The following SPOCK1 variants were observed in gnomAD, a reference collection of about 807,000 sequenced individuals.
The protein encoded by SPOCK1 is SPARC (osteonectin), cwcv and kazal like domains proteoglycan 1.
SPOCK1 carries 23 observed loss-of-function variants against 55.3 expected under a neutral mutation model. The ratio of observed to expected loss-of-function variants is 0.42; its 90% confidence interval spans 0.30 to 0.59. The LOEUF is 0.59. Among genes scored for constraint, SPOCK1 ranks in the 20% least tolerant of loss-of-function variants. SPOCK1 has a pLI of 0.22. For missense variants in SPOCK1, 499 were observed against 552.5 expected (o/e 0.90, Z 0.97); for synonymous variants, 226 against 221.0 (o/e 1.02, Z -0.20).
intron 3 of SPOCK1, among the ~76,000 whole-genome samples, chr5:137,258,423 T>C (rs1756680066): frequency 6.6e-6 from 1 of 152,232 alleles, no homozygotes; most frequent in Non-Finnish European, 1.5e-5. Flanking sequence ...CTGAAAGTTG[T>C]AGAGGACGCA....
intron 2 of SPOCK1, among the ~76,000 whole-genome samples, chr5:137,342,166 T>C (rs1421915057): frequency 1.3e-5 from 2 of 152,216 alleles, no homozygotes; most frequent in African/African-American, 2.4e-5. Flanking sequence ...CCGCGGAGGA[T>C]AGTGTCTGAG....
chr5:137,140,667 A>T lies in SPOCK1; in HGVS notation c.260T>A (p.Leu87Gln). The T allele has an allele frequency of 6.2e-7, 1 of 1,611,728 alleles. No individual in the cohort carries two copies. Among genetic ancestry groups the T allele is most frequent in the Non-Finnish European group, 8.5e-7 (1 of 1,179,016 alleles). The change falls in exon 4 of 11, where the codon CTG (leucine) becomes CAG (glutamine). Residue 87 changes from leucine (L) to glutamine (Q), a missense_variant. Transcript: ENST00000394945. ...TTTGTGAGGGCTGCATTTTACCTTC[A>T]GGCAGGGGTCCTTGGATGGGTCCAG... ...QALDPSKDPCLKVKCSPHKVC... is the reference protein window; with the variant it reads ...QALDPSKDPCQKVKCSPHKVC...
intron 2 of SPOCK1, among the ~76,000 whole-genome samples, chr5:137,340,966 T>C (rs1750408705): frequency 6.6e-6 from 1 of 151,810 alleles, no homozygotes; most frequent in Non-Finnish European, 1.5e-5. Flanking sequence ...CTGCAGCATC[T>C]GGGACTCACA....
chr5:137,447,254 G>C (rs187439333), intron 2 of SPOCK1, among the ~76,000 whole-genome samples: 1 of 152,308 alleles, frequency 6.6e-6, no homozygotes, highest in Non-Finnish European at 1.5e-5. Context: ...GTGGAGAAAA[G>C]GAGGGCAACA....
intron 6 of SPOCK1, among the ~76,000 whole-genome samples, chr5:137,054,191 G>A (rs759017196): frequency 2.0e-5 from 3 of 152,060 alleles, no homozygotes; most frequent in Non-Finnish European, 4.4e-5. Flanking sequence ...TCACAAGATA[G>A]GCCTATCTAT....
intron 6 of SPOCK1, among the ~76,000 whole-genome samples, chr5:137,052,315 G>A (rs73790675): frequency 0.01 from 1,563 of 152,258 alleles, 34 homozygotes; most frequent in African/African-American, 0.036. Context: ...GTCACCTACC[G>A]TTAAACTAAA....
intron 2 of SPOCK1, among the ~76,000 whole-genome samples, chr5:137,270,583 T>G (rs1756942908): frequency 6.6e-6 from 1 of 152,356 alleles, no homozygotes; most frequent in East Asian, 1.9e-4. Flanking sequence ...ATGAATATTA[T>G]TCAACCCTTT....
chr5:137,211,926 C>G (rs1376980099), intron 3 of SPOCK1, among the ~76,000 whole-genome samples: 2 of 152,122 alleles, frequency 1.3e-5, no homozygotes, highest in Non-Finnish European at 1.5e-5. Context: ...TCATCTGTAC[C>G]CTTTGTAATA....
chr5:137,486,112 C>T (rs1754049999), intron 2 of SPOCK1, among the ~76,000 whole-genome samples: 1 of 152,212 alleles, frequency 6.6e-6, no homozygotes, highest in Non-Finnish European at 1.5e-5. Flanking sequence ...GCTAAACTCA[C>T]CATACTTCAG....
chr5:137,173,350 A>G (rs1754790624), intron 3 of SPOCK1, among the ~76,000 whole-genome samples: 1 of 152,140 alleles, frequency 6.6e-6, no homozygotes, highest in Non-Finnish European at 1.5e-5. Context: ...GCCCCCTGGT[A>G]GTTCTGTGAA....
intron 2 of SPOCK1, among the ~76,000 whole-genome samples, chr5:137,377,166 C>T (rs1751336559): frequency 6.6e-6 from 1 of 152,258 alleles, no homozygotes; most frequent in Non-Finnish European, 1.5e-5. Flanking sequence ...TGTACCAGCA[C>T]TTCCAAATAG....
At chr5:137,419,068 C>T (rs1345426341) in intron 2 of SPOCK1, among the ~76,000 whole-genome samples, 1 of 152,192 alleles carries the variant, frequency 6.6e-6, no homozygotes, top group Non-Finnish European at 1.5e-5. Context: ...ATCCTTTCCC[C>T]ATTGCTTGTT....
At chr5:137,212,675 C>T (rs933779195) in intron 3 of SPOCK1, among the ~76,000 whole-genome samples, 4 of 152,104 alleles carry the variant, frequency 2.6e-5, no homozygotes, top group Non-Finnish European at 2.9e-5. Flanking sequence ...ACCTAGAGGC[C>T]CTGGGCCAAA....
chr5:137,314,530 T>C (rs1472883295), intron 2 of SPOCK1, among the ~76,000 whole-genome samples: 3 of 152,168 alleles, frequency 2.0e-5, no homozygotes, highest in Non-Finnish European at 2.9e-5. Flanking sequence ...TAATAAAACC[T>C]GCTTTGGGGA....
At chr5:137,372,625 A>G (rs2127171395) in intron 2 of SPOCK1, among the ~76,000 whole-genome samples, 1 of 152,354 alleles carries the variant, frequency 6.6e-6, no homozygotes, top group South Asian at 2.1e-4. Context: ...AGAAATTCCA[A>G]GAAAGGGTAA....
intron 3 of SPOCK1, among the ~76,000 whole-genome samples, chr5:137,210,945 T>C (rs1277803250): frequency 1.3e-5 from 2 of 152,208 alleles, no homozygotes; most frequent in African/African-American, 4.8e-5. Context: ...CAATCAGCTA[T>C]AATTCTCTGT....
At chr5:137,325,383 C>A (rs903014792) in intron 2 of SPOCK1, among the ~76,000 whole-genome samples, 3 of 152,126 alleles carry the variant, frequency 2.0e-5, no homozygotes, top group Non-Finnish European at 4.4e-5. Flanking sequence ...GCCCTTTGTG[C>A]TTTGGGGCCA....
rs186999153 is a variant in SPOCK1, at chr5:137,224,380, T to C, written c.232+42630A>G. Reference sequence around the variant, plus strand: ...CATACATTGTGACTTAATTTACATTTATTCCTTGGAGTAAGTGACATGCTT... The same window carrying C: ...CATACATTGTGACTTAATTTACATTCATTCCTTGGAGTAAGTGACATGCTT... On this transcript the variant is annotated intron_variant, in intron 3 of 10. Transcript: ENST00000394945. Among the ~76,000 whole-genome samples, 138 of 152,338 alleles carry C rather than the reference T, an allele frequency of 9.1e-4. 1 individual carries two copies. Among genetic ancestry groups the C allele is most frequent in the Non-Finnish European group, 2.1e-4 (14 of 68,036 alleles).
At chr5:137,108,021 C>T (rs895745826) in intron 5 of SPOCK1, among the ~76,000 whole-genome samples, 2 of 152,176 alleles carry the variant, frequency 1.3e-5, no homozygotes, top group Non-Finnish European at 2.9e-5. Flanking sequence ...ATGGTCTCAT[C>T]TGTCCTTTGT....
Sources: allele counts gnomAD v4.1 joint callset (sites outside exome capture counted in the v4.1 genomes callset), GRCh38; gene constraint gnomAD v4.1.1; transcripts MANE v1.5; gene names NCBI Gene and HGNC (gene_info 2026-07-23, HGNC 2026-07-21).